Variants in SNTB1 observed in about 807,000 individuals in gnomAD.
SNTB1 encodes the protein syntrophin beta 1.
Under a neutral mutation model 48.9 loss-of-function variants are expected in SNTB1, and 36 were observed. The observed-to-expected ratio is 0.74, with a 90% confidence interval of 0.56 to 0.97. The LOEUF (loss-of-function observed/expected upper bound fraction) is 0.97. Ranked by LOEUF, SNTB1 falls within the 50% of genes least tolerant of loss-of-function variation. The pLI is 0.00. For missense variants in SNTB1, 786 were observed against 703.4 expected (o/e 1.12, Z -1.33); for synonymous variants, 299 against 294.6 (o/e 1.01, Z -0.15).
At chr8:120,735,440 C>T (rs28690856) in intron 1 of SNTB1, among the ~76,000 whole-genome samples, 1,799 of 152,298 alleles carry the variant, frequency 0.012, 15 homozygotes, top group Non-Finnish European at 0.017. Context: ...GACCACAGAA[C>T]TGTACTGTAT....
At chr8:120,583,438 G>A (rs1816080627) in intron 3 of SNTB1, among the ~76,000 whole-genome samples, 1 of 151,832 alleles carries the variant, frequency 6.6e-6, no homozygotes, top group Non-Finnish European at 1.5e-5. Context: ...CTTGAACCCA[G>A]GGGGTGGAGG....
intron 4 of SNTB1, among the ~76,000 whole-genome samples, chr8:120,555,668 C>A (rs1815555017): frequency 1.3e-5 from 2 of 152,138 alleles, no homozygotes; most frequent in Admixed American, 1.3e-4. Context: ...AAAAGAACAG[C>A]CTTACTGAGG....
intron 3 of SNTB1, among the ~76,000 whole-genome samples, chr8:120,601,228 G>T (rs1016252790): frequency 4.6e-5 from 7 of 152,116 alleles, no homozygotes; most frequent in Non-Finnish European, 5.9e-5. Context: ...GATCTCTAGT[G>T]GGGAGGGGGA....
chr8:120,811,192 AGT>A (rs1043571322), intron 1 of SNTB1, 79 bp downstream of exon 1: 46 of 1,492,040 alleles, frequency 3.1e-5, no homozygotes, highest in Non-Finnish European at 3.8e-5. Flanking sequence ...TGGCCGAGTG[AGT>A]GTGAGTGTGA....
At chr8:120,630,624 C>T (rs1454713651) in intron 3 of SNTB1, among the ~76,000 whole-genome samples, 1 of 152,184 alleles carries the variant, frequency 6.6e-6, no homozygotes, top group South Asian at 2.1e-4. Context: ...TCATCCCAAT[C>T]AGCTCCTTCT....
chr8:120,584,774 G>T (rs1169282778), intron 3 of SNTB1, among the ~76,000 whole-genome samples: 1 of 152,142 alleles, frequency 6.6e-6, no homozygotes, highest in South Asian at 2.1e-4. Flanking sequence ...GGTCATATTG[G>T]AATAGGTTGG....
chr8:120,775,861 C>A (rs1819727520), intron 1 of SNTB1, among the ~76,000 whole-genome samples: 1 of 152,084 alleles, frequency 6.6e-6, no homozygotes, highest in Non-Finnish European at 1.5e-5. Context: ...AAGTGCCATT[C>A]TTTTGTCAAG....
rs767348690 is a variant in SNTB1 at position 120,811,260 on chromosome 8, G to C, written c.571+13C>G. The stretch of plus-strand genomic sequence containing the variant: ...GCGCGCCCGGCGCGGCCCGCGCGCT[G>C]TTAACCCCTTACCTTCCAGCAGCAC... On this transcript the variant is annotated intron_variant, in intron 1 of 6. Transcript: ENST00000517992. The C allele has an allele frequency of 6.3e-6, 10 of 1,581,772 alleles. No individual in the cohort carries two copies. In the Admixed American group the frequency reaches 1.5e-4, roughly 24 times the overall value.
chr8:120,706,039 C>A (rs775239246), intron 1 of SNTB1, among the ~76,000 whole-genome samples: 6 of 152,004 alleles, frequency 3.9e-5, no homozygotes, highest in Non-Finnish European at 8.8e-5. Context: ...ATAACAGCAC[C>A]TATCTCTTAG....
chr8:120,804,634 G>T (rs1217701409), intron 1 of SNTB1, among the ~76,000 whole-genome samples: 2 of 152,030 alleles, frequency 1.3e-5, no homozygotes, highest in African/African-American at 4.8e-5. Context: ...TACTCTAGAG[G>T]GTGATCTACC....
At chr8:120,548,419 G>T (rs117836396) in intron 5 of SNTB1, among the ~76,000 whole-genome samples, 1 of 152,000 alleles carries the variant, frequency 6.6e-6, no homozygotes, top group Admixed American at 6.5e-5. Flanking sequence ...TAGATTACTC[G>T]GAATCAGTTT....
chr8:120,589,503 G>A (rs1348995938), intron 3 of SNTB1, among the ~76,000 whole-genome samples: 1 of 152,130 alleles, frequency 6.6e-6, no homozygotes, highest in Admixed American at 6.5e-5. Context: ...AGTCAATCCT[G>A]GCTGCTATAA....
intron 3 of SNTB1, among the ~76,000 whole-genome samples, chr8:120,616,355 A>AGT (rs1181021059): frequency 6.7e-6 from 1 of 148,242 alleles, no homozygotes. Flanking sequence ...CCTGGGGTAC[A>AGT]GTGGTGTGAT....
At chr8:120,777,556 A>T (rs1009526001) in intron 1 of SNTB1, among the ~76,000 whole-genome samples, 11 of 152,182 alleles carry the variant, frequency 7.2e-5, no homozygotes, top group African/African-American at 2.7e-4. Context: ...CTTCAGATTC[A>T]CAGCCCTTAG....
intron 3 of SNTB1, among the ~76,000 whole-genome samples, chr8:120,626,960 A>T (rs1015497025): frequency 6.6e-6 from 1 of 152,206 alleles, no homozygotes; most frequent in African/African-American, 2.4e-5. Context: ...CCTTTGCTGC[A>T]CTGTCATCTT....
chr8:120,612,637 T>C (rs1667906152), intron 3 of SNTB1, among the ~76,000 whole-genome samples: 1 of 152,144 alleles, frequency 6.6e-6, no homozygotes, highest in Non-Finnish European at 1.5e-5. Flanking sequence ...CACTGCAACC[T>C]CCGCCTCCTG....
chr8:120,740,889 A>G (rs571973123), intron 1 of SNTB1, among the ~76,000 whole-genome samples: 1 of 152,286 alleles, frequency 6.6e-6, no homozygotes, highest in South Asian at 2.1e-4. Flanking sequence ...ACAGCACACA[A>G]CCACTAGGAA....
intron 1 of SNTB1, among the ~76,000 whole-genome samples, chr8:120,804,014 G>A (rs1436102623): frequency 6.6e-5 from 10 of 152,064 alleles, no homozygotes; most frequent in Non-Finnish European, 1.0e-4. Context: ...TAAATTAAAT[G>A]TTTCCTAGGT....
chr8:120,569,141 T>C (rs557880975), intron 4 of SNTB1, among the ~76,000 whole-genome samples: 1 of 152,212 alleles, frequency 6.6e-6, no homozygotes, highest in African/African-American at 2.4e-5. Context: ...CCACCATGCC[T>C]GGCTAATTTT....
Sources: gnomAD v4.1 joint callset for allele counts (sites outside exome capture counted in the v4.1 genomes callset) on GRCh38, gnomAD v4.1.1 for gene constraint, MANE v1.5 for transcripts, NCBI Gene and HGNC (gene_info 2026-07-23, HGNC 2026-07-21) for gene names.